Variants in ADAMTS9 observed in about 807,000 individuals in gnomAD.
ADAMTS9 encodes ADAM metallopeptidase with thrombospondin type 1 motif 9.
A neutral mutation model predicts 257.1 loss-of-function variants in ADAMTS9; 107 were observed. The observed-to-expected ratio is 0.42, with a 90% CI of 0.36 to 0.49. ADAMTS9 has a LOEUF of 0.49. Ranked by LOEUF, ADAMTS9 falls within the 20% of genes least tolerant of loss-of-function variation. The pLI is 0.03. For synonymous variants in ADAMTS9, 982 were observed against 880.9 expected (o/e 1.11, Z -2.03); for missense variants, 2,353 against 2,469.1 (o/e 0.95, Z 1.00).
chr3:64,583,865 C>T (rs1184254915), intron 28 of ADAMTS9: 1 of 152,126 alleles, frequency 6.6e-6, no homozygotes, highest in Non-Finnish European at 1.5e-5. Context: ...GGTTAGGAAG[C>T]CCCCATCTAT....
Position 64,681,697 on chromosome 3 carries a change from T to C in ADAMTS9, c.517-334A>G, listed in dbSNP as rs111780995. Among the ~76,000 whole-genome samples, 1,204 of 152,260 alleles carry C rather than the reference T, an allele frequency of 7.9e-3. 17 individuals carry two copies. Among genetic ancestry groups the C allele is most frequent in the African/African-American group, 0.027 (1,133 of 41,552 alleles). ...TAGCTGGGATTATAGGTGCATGCCA[T>C]CATGCCCAGCTAAGTTTTTTACTTT... On this transcript the variant is annotated intron_variant, in intron 2 of 39. Coordinates refer to ENST00000498707, the MANE Select transcript of ADAMTS9 (RefSeq NM_182920.2).
intron 28 of ADAMTS9, among the ~76,000 whole-genome samples, chr3:64,580,763 T>C (rs1246412596): frequency 1.3e-5 from 2 of 152,194 alleles, no homozygotes; most frequent in Non-Finnish European, 2.9e-5. Flanking sequence ...AAATCAGGAA[T>C]CTGGCTAAAA....
At chr3:64,533,371 G>A in intron 37 of ADAMTS9, 101 bp from the exon 38 acceptor site, 4 of 908,090 alleles carry the variant, frequency 4.4e-6, no homozygotes, top group Non-Finnish European at 7.1e-6. Context: ...GAAAAGAGAA[G>A]GATGTTGATT....
chr3:64,621,511 C>T (rs2106862367), intron 18 of ADAMTS9, among the ~76,000 whole-genome samples: 1 of 152,214 alleles, frequency 6.6e-6, no homozygotes, highest in African/African-American at 2.4e-5. Flanking sequence ...CCTGTAATCC[C>T]AGCATTTTGG....
chr3:64,539,297 G>A lies in ADAMTS9; in HGVS notation c.5522-3C>T, dbSNP rs2083091149. On this transcript the variant is annotated splice_polypyrimidine_tract_variant and splice_region_variant and intron_variant, in intron 36 of 39. Transcript: ENST00000498707. ...CCTTGCAAACTGTAAGTCAGTGGCT[G>A]TGGGGTGGAGAAGGGGTTAAAGGCA... 2 of 1,613,464 alleles carry A rather than the reference G, an allele frequency of 1.2e-6. No individual in the cohort carries two copies. The highest frequency in any genetic ancestry group is 2.2e-5 in the South Asian group (2 of 91,074).
intron 31 of ADAMTS9, 86 bp downstream of exon 31, chr3:64,550,806 A>G: frequency 5.2e-6 from 8 of 1,532,742 alleles, no homozygotes; most frequent in Non-Finnish European, 6.2e-6. Context: ...AGTCTCCCAC[A>G]TTCCTGCACT....
chr3:64,531,005 C>G (rs989985662), intron 38 of ADAMTS9, among the ~76,000 whole-genome samples: 1 of 152,096 alleles, frequency 6.6e-6, no homozygotes, highest in Non-Finnish European at 1.5e-5. Flanking sequence ...GGGGCACATT[C>G]TAAAGCTCAT....
intron 28 of ADAMTS9, chr3:64,582,568 A>G (rs1226199916): frequency 6.6e-6 from 1 of 152,206 alleles, no homozygotes; most frequent in Non-Finnish European, 1.5e-5. Context: ...ACTACCTGGC[A>G]GAAAAGGAAG....
At chr3:64,678,729 G>T (rs1290944658) in intron 3 of ADAMTS9, among the ~76,000 whole-genome samples, 1 of 152,188 alleles carries the variant, frequency 6.6e-6, no homozygotes, top group Non-Finnish European at 1.5e-5. Flanking sequence ...AGGCTACCTG[G>T]TTCCAGAGGT....
At chr3:64,568,623 A>G in intron 28 of ADAMTS9, 88 bp from the exon 29 acceptor site, 7 of 1,460,120 alleles carry the variant, frequency 4.8e-6, no homozygotes, top group Admixed American at 2.0e-5. Flanking sequence ...TGTTAAGACA[A>G]TGCCTAACAA....
At chr3:64,652,900 T>C (rs1181848698) in intron 8 of ADAMTS9, among the ~76,000 whole-genome samples, 1 of 152,184 alleles carries the variant, frequency 6.6e-6, no homozygotes, top group African/African-American at 2.4e-5. Context: ...CACACATAAA[T>C]GTGTAACACA....
intron 27 of ADAMTS9, 53 bp downstream of exon 27, chr3:64,596,777 C>T: frequency 6.2e-7 from 1 of 1,600,144 alleles, no homozygotes; most frequent in Non-Finnish European, 8.5e-7. Context: ...ATGATAAATA[C>T]AGTTTGGTTA....
intron 28 of ADAMTS9, among the ~76,000 whole-genome samples, chr3:64,585,526 C>T (rs1210469034): frequency 1.3e-5 from 2 of 152,116 alleles, no homozygotes; most frequent in Admixed American, 1.3e-4. Flanking sequence ...ATTGAATATG[C>T]TTTATTTCAA....
At chr3:64,657,897 T>C (rs1370837709) in intron 4 of ADAMTS9, among the ~76,000 whole-genome samples, 1 of 152,108 alleles carries the variant, frequency 6.6e-6, no homozygotes, top group Non-Finnish European at 1.5e-5. Flanking sequence ...AAATTTACTG[T>C]GGTTTTAATT....
intron 28 of ADAMTS9, chr3:64,592,295 A>T (rs889976784): frequency 6.6e-6 from 1 of 152,206 alleles, no homozygotes; most frequent in Non-Finnish European, 1.5e-5. Flanking sequence ...AAATGATTTT[A>T]AAAATGCGTG....
chr3:64,533,939 C>G (rs1344068784), intron 37 of ADAMTS9, among the ~76,000 whole-genome samples: 1 of 152,180 alleles, frequency 6.6e-6, no homozygotes, highest in Non-Finnish European at 1.5e-5. Flanking sequence ...ATATTGATTT[C>G]TAAAGAGACG....
chr3:64,642,374 G>A (rs1031214363), intron 11 of ADAMTS9, among the ~76,000 whole-genome samples: 3 of 152,090 alleles, frequency 2.0e-5, no homozygotes, highest in Admixed American at 6.5e-5. Flanking sequence ...CATCAACAAG[G>A]CCTAGAGAAG....
chr3:64,648,730 T>G (rs562636259), intron 10 of ADAMTS9, among the ~76,000 whole-genome samples: 1 of 152,348 alleles, frequency 6.6e-6, no homozygotes, highest in East Asian at 1.9e-4. Context: ...TTGTTTATCT[T>G]GTTATCTTAA....
At position 64,649,577 on chromosome 3, in the gene ADAMTS9, A is replaced by G. The variant is rs535132872; in HGVS notation, c.1605+60T>C. On this transcript the variant is annotated intron_variant, in intron 10 of 39. Coordinates refer to ENST00000498707, the MANE Select transcript of ADAMTS9 (RefSeq NM_182920.2). Reference sequence around the variant, plus strand: ...TCGAGTTAGAATGCAATGGAAAACTATGAATAAAAAGAAGTGCAGAATCAG... The same window carrying G: ...TCGAGTTAGAATGCAATGGAAAACTGTGAATAAAAAGAAGTGCAGAATCAG... The G allele has an allele frequency of 1.3e-5, 20 of 1,522,504 alleles. No homozygotes were observed. The South Asian group carries it at 1.6e-4, about 12-fold the overall frequency. The allele number at this position is 1,522,504 out of a possible 1,614,324, so 94.3% of individuals were successfully genotyped here.
Sources: allele counts gnomAD v4.1 joint callset (sites outside exome capture counted in the v4.1 genomes callset), GRCh38; gene constraint gnomAD v4.1.1; transcripts MANE v1.5; gene names NCBI Gene and HGNC (gene_info 2026-07-23, HGNC 2026-07-21).